The following S100A5 variants were observed in gnomAD, a reference collection of about 807,000 sequenced individuals.
S100A5 encodes the protein protein S100-A5.
Under a neutral mutation model 6.7 loss-of-function variants are expected in S100A5, and 5 were observed. That is an observed-to-expected ratio of 0.75 (90% CI 0.39 to 1.57). S100A5 has a LOEUF of 1.57. Ranked by LOEUF, S100A5 falls within the 40% of genes most tolerant of loss-of-function variation. The pLI is 0.03. For missense variants in S100A5, 129 were observed against 110.8 expected (o/e 1.16, Z -0.74); for synonymous variants, 49 against 44.9 (o/e 1.09, Z -0.37).
rs772527459 is a variant in S100A5, at chr1:153,537,291, C to T, written c.*5G>A. 5.6e-6 allele frequency: 9 copies of T among 1,612,390 alleles called. No homozygotes were observed. The highest frequency in any genetic ancestry group is 5.9e-6 in the Non-Finnish European group (7 of 1,178,646). On this transcript the variant is annotated 3_prime_UTR_variant, in exon 3 of 3. Coordinates refer to ENST00000368717, the MANE Select transcript of S100A5 (RefSeq NM_001394232.1). ...GTGGAGGGTGAGGGTGGAGGGCAGC[C>T]CTGGTCACTTGTTGTCCTCTAGAAA... is the stretch of plus-strand genomic sequence containing the variant.
upstream of S100A5, chr1:153,541,839 C>CA (rs1665401137): frequency 1.9e-6 from 2 of 1,039,942 alleles, no homozygotes; most frequent in Non-Finnish European, 2.3e-6. Flanking sequence ...TCCTGCCACC[C>CA]ACTCCAGGAG....
chr1:153,541,821 C>T, upstream of S100A5: 1 of 1,040,350 alleles, frequency 9.6e-7, no homozygotes. Flanking sequence ...TCGGGCCCCT[C>T]CCACCCATCC....
At chr1:153,542,397 C>T (rs1010286005), upstream of S100A5, among the ~76,000 whole-genome samples, 1 of 152,150 alleles carries the variant, frequency 6.6e-6, no homozygotes, top group Admixed American at 6.5e-5. Context: ...GAGAGCGTGA[C>T]CTGGGTGGAG....
At chr1:153,541,132 C>T (rs1283860817), upstream of S100A5, among the ~76,000 whole-genome samples, 1 of 152,178 alleles carries the variant, frequency 6.6e-6, no homozygotes, top group Non-Finnish European at 1.5e-5. Flanking sequence ...CTCAAGGAGA[C>T]TCAGCTGGGA....
chr1:153,543,220 T>C (rs1282754170), upstream of S100A5: 2 of 985,262 alleles, frequency 2.0e-6, no homozygotes, highest in African/African-American at 3.5e-5. Flanking sequence ...CTCAGCCTTA[T>C]TCTTTTCCCT....
chr1:153,539,974 G>T, intron 2 of S100A5, 80 bp downstream of exon 2: 1 of 1,550,244 alleles, frequency 6.5e-7, no homozygotes, highest in East Asian at 2.2e-5. Flanking sequence ...GCTTAGGCTG[G>T]AGGATCCTGA....
chr1:153,541,255 T>C (rs58867593), upstream of S100A5: 3,878 of 647,212 alleles, frequency 6.0e-3, 126 homozygotes, highest in African/African-American at 0.065. Context: ...TCTGCCCTCT[T>C]CTCCCTGAGC....
rs1234274120 is a variant in S100A5, at chr1:153,540,184, G to A, written c.8C>T (p.Thr3Ile). The change falls in exon 2 of 3, where the codon ACT becomes ATT. Residue 3 changes from threonine to isoleucine, a missense_variant. Thr to Ile is a moderately conservative substitution (Grantham distance 89). Transcript: ENST00000368717. Reference sequence around the variant, plus strand: ...AGTGGTCAGGGCCTTCTCCAGAGGAGTCTCCATCACAGTGTGCAGCTCTGT... The same window carrying A: ...AGTGGTCAGGGCCTTCTCCAGAGGAATCTCCATCACAGTGTGCAGCTCTGT... ME[T>I]PLEKALTTMV... The A allele has an allele frequency of 1.2e-6, 2 of 1,614,160 alleles. No individual in the cohort carries two copies.
chr1:153,541,448 C>T, upstream of S100A5: 1 of 1,367,764 alleles, frequency 7.3e-7, no homozygotes, highest in Non-Finnish European at 9.8e-7. Flanking sequence ...CTGCCTTCTG[C>T]CTTTATTTCC....
At chr1:153,537,846 G>A (rs559888442) in intron 2 of S100A5, among the ~76,000 whole-genome samples, 10 of 152,174 alleles carry the variant, frequency 6.6e-5, no homozygotes, top group African/African-American at 2.2e-4. Flanking sequence ...TCAGGAGTTC[G>A]AGACCAGCCT....
Position 153,537,214 on chromosome 1 carries a change from C to A in S100A5, c.*82G>T. ...GGTCCATCTGGGAGGGAGAGGAGGG[C>A]AGGGGGCCAAAGAGGGTCTGTGAGA... On this transcript the variant is annotated 3_prime_UTR_variant, in exon 3 of 3. Coordinates refer to ENST00000368717, the MANE Select transcript of S100A5 (RefSeq NM_001394232.1). The A allele has an allele frequency of 6.7e-7, 1 of 1,494,108 alleles. No individual in the cohort carries two copies. The highest frequency in any genetic ancestry group is 9.2e-7 in the Non-Finnish European group (1 of 1,085,978). The allele number at this position is 1,494,108 out of a possible 1,614,324, so 92.6% of individuals were successfully genotyped here. A position where few individuals can be genotyped will look rare whatever the true frequency, so the allele number is the denominator to read the frequency against.
At chr1:153,538,659 G>A (rs1571232361) in intron 2 of S100A5, among the ~76,000 whole-genome samples, 1 of 152,306 alleles carries the variant, frequency 6.6e-6, no homozygotes, top group South Asian at 2.1e-4. Flanking sequence ...CCTTCTTTCT[G>A]GGAGGGCCTA....
intron 2 of S100A5, among the ~76,000 whole-genome samples, chr1:153,539,122 T>C (rs901814959): frequency 6.6e-6 from 1 of 151,848 alleles, no homozygotes. Flanking sequence ...AGAGTGAGAC[T>C]CTGTCTCAAA....
At chr1:153,541,223 T>A (rs1013940749), upstream of S100A5, among the ~76,000 whole-genome samples, 2 of 152,148 alleles carry the variant, frequency 1.3e-5, no homozygotes, top group Non-Finnish European at 2.9e-5. Flanking sequence ...CCCAGAGCCA[T>A]TTCTCAAGAA....
At position 153,537,331 on chromosome 1, in the gene S100A5, C is replaced by T; in HGVS notation, c.244G>A (p.Ala82Thr). 6.2e-7 allele frequency: 1 copy of T among 1,614,126 alleles called. No individual in the cohort carries two copies. ...YSVFLTMLCMAYNDFFLEDNK is the reference protein window; with the variant it reads ...YSVFLTMLCMTYNDFFLEDNK ...TCCTCTAGAAAGAAGTCGTTGTAGG[C>T]CATGCACAGCATGGTCAGGAACACC... is the stretch of plus-strand genomic sequence containing the variant. The change falls in exon 3 of 3, where the codon GCC becomes ACC. Residue 82 changes from alanine to threonine, a missense_variant. By Grantham distance (58) the Ala-to-Thr change is moderately conservative (BLOSUM62 0). Transcript: ENST00000368717.
intron 2 of S100A5, among the ~76,000 whole-genome samples, chr1:153,538,074 T>TTATG (rs1404567040): frequency 6.6e-6 from 1 of 151,622 alleles, no homozygotes; most frequent in Non-Finnish European, 1.5e-5. Context: ...ACCTTGCTGA[T>TTATG]TATGTGGCAT....
chr1:153,538,851 A>G (rs1665276054), intron 2 of S100A5, among the ~76,000 whole-genome samples: 1 of 152,214 alleles, frequency 6.6e-6, no homozygotes, highest in African/African-American at 2.4e-5. Flanking sequence ...TAATAAGACT[A>G]GGCACAGTGG....
chr1:153,538,087 A>G (rs1413459026), intron 2 of S100A5, among the ~76,000 whole-genome samples: 2 of 151,782 alleles, frequency 1.3e-5, no homozygotes, highest in Non-Finnish European at 2.9e-5. Context: ...TGTGGCATTG[A>G]GCATTATCCA....
At chr1:153,542,180 C>G (rs1665410063), upstream of S100A5, among the ~76,000 whole-genome samples, 1 of 152,134 alleles carries the variant, frequency 6.6e-6, no homozygotes. Context: ...CCAGGAGACA[C>G]TCAGACATCG....
Sources: allele counts gnomAD v4.1 joint callset (sites outside exome capture counted in the v4.1 genomes callset), GRCh38; gene constraint gnomAD v4.1.1; transcripts MANE v1.5; gene names NCBI Gene and HGNC (gene_info 2026-07-23, HGNC 2026-07-21).